Variants in FLRT1 observed in about 807,000 individuals in gnomAD.
The protein encoded by FLRT1 is leucine-rich repeat transmembrane protein FLRT1.
A neutral mutation model predicts 30.9 loss-of-function variants in FLRT1; 14 were observed. The observed-to-expected ratio is 0.45, with a 90% confidence interval of 0.30 to 0.71. The LOEUF is 0.71. Among genes scored for constraint, FLRT1 ranks in the 30% least tolerant of loss-of-function variants. FLRT1 has a pLI of 0.08. For synonymous variants in FLRT1, 368 were observed against 430.4 expected (o/e 0.85, Z 1.80); for missense variants, 737 against 949.2 (o/e 0.78, Z 2.94).
At chr11:64,106,615 C>T (rs1181393352) in intron 2 of FLRT1, among the ~76,000 whole-genome samples, 1 of 152,238 alleles carries the variant, frequency 6.6e-6, no homozygotes, top group African/African-American at 2.4e-5. Context: ...AGCCCAGTGC[C>T]AAGCCTCTGA....
intron 1 of FLRT1, among the ~76,000 whole-genome samples, chr11:64,077,837 G>C (rs1490589487): frequency 6.6e-6 from 1 of 152,238 alleles, no homozygotes; most frequent in East Asian, 1.9e-4. Context: ...GTCTCCTTTG[G>C]CTATGGGTGG....
At chr11:64,116,171 C>A (rs1010361528) in intron 2 of FLRT1, 48 bp from the exon 3 acceptor site, 3 of 1,497,614 alleles carry the variant, frequency 2.0e-6, no homozygotes, top group South Asian at 1.3e-5. Flanking sequence ...CTCCTGGGGT[C>A]GCTGTCGCCG....
chr11:64,101,600 T>C (rs1204440506), intron 1 of FLRT1, among the ~76,000 whole-genome samples: 2 of 152,168 alleles, frequency 1.3e-5, no homozygotes, highest in Non-Finnish European at 2.9e-5. Context: ...CTGGACTTTT[T>C]CCATCTCTCG....
At chr11:64,078,303 TCCAG>T (rs1290655455) in intron 1 of FLRT1, among the ~76,000 whole-genome samples, 1 of 152,142 alleles carries the variant, frequency 6.6e-6, no homozygotes, top group East Asian at 1.9e-4. Flanking sequence ...TGGCCTCTTC[TCCAG>T]CCTGGACCCC....
At chr11:64,098,508 G>A (rs1312309492) in intron 1 of FLRT1, among the ~76,000 whole-genome samples, 4 of 152,348 alleles carry the variant, frequency 2.6e-5, no homozygotes, top group Admixed American at 1.3e-4. Context: ...CCTCGGGAGA[G>A]AGGGAATAAG....
chr11:64,058,859 G>A (rs1943843434), intron 1 of FLRT1, among the ~76,000 whole-genome samples: 1 of 152,170 alleles, frequency 6.6e-6, no homozygotes, highest in South Asian at 2.1e-4. Context: ...TAGGACCAGT[G>A]ATAGGGGAGC....
intron 2 of FLRT1, 76 bp from the exon 3 acceptor site, chr11:64,116,143 G>A: frequency 1.4e-6 from 2 of 1,414,206 alleles, no homozygotes; most frequent in Non-Finnish European, 1.9e-6. Flanking sequence ...TGGCAGGTGG[G>A]AGGGAATGCA....
In FLRT1 at chr11:64,116,273, G is replaced by A. The variant is rs1396711946; in HGVS notation, c.6G>A (p.Val2=). The A allele has an allele frequency of 1.3e-6, 2 of 1,596,384 alleles. No individual in the cohort carries two copies. The highest frequency in any genetic ancestry group is 1.7e-6 in the Non-Finnish European group (2 of 1,174,276). Residue 2 remains valine, a synonymous_variant, in exon 3 of 3, where the codon GTG becomes GTA. Coordinates refer to ENST00000682287, the MANE Select transcript of FLRT1 (RefSeq NM_013280.5). ...GACGCCCCCAGCCATCCACCATGGT[G>A]GTGGCACACCCCACCGCCACTGCCA... is the stretch of plus-strand genomic sequence containing the variant. M[V]VAHPTATATT...
Position 64,070,260 on chromosome 11 carries a change from C to G in FLRT1, c.-1037-32934C>G, listed in dbSNP as rs551099120. Among the ~76,000 whole-genome samples, 22 of 152,234 alleles carry G rather than the reference C, an allele frequency of 1.4e-4. No homozygotes were observed. The East Asian group carries it at 4.2e-3, about 29-fold the overall frequency. ...CTGAGTCTACTGATCAGAGCCCTAC[C>G]TGGGCTGCCAGTCCTCAGCCCAGCC... On this transcript the variant is annotated intron_variant, in intron 1 of 2. Coordinates refer to ENST00000682287, the MANE Select transcript of FLRT1 (RefSeq NM_013280.5).
chr11:64,091,542 C>T (rs1240996014), intron 1 of FLRT1, among the ~76,000 whole-genome samples: 1 of 152,026 alleles, frequency 6.6e-6, no homozygotes, highest in Non-Finnish European at 1.5e-5. Flanking sequence ...AGGTGCATGC[C>T]CAGGGAGAGC....
Position 64,090,787 on chromosome 11 carries a change from C to T in FLRT1, c.-1037-12407C>T, listed in dbSNP as rs1944475749. The stretch of plus-strand genomic sequence containing the variant: ...GGGGTGGCGGCGTCTCTCCACCAGG[C>T]ACTTGGGGTTTGTCTCTGGGGCTCT... On this transcript the variant is annotated intron_variant, in intron 1 of 2. Coordinates refer to ENST00000682287, the MANE Select transcript of FLRT1 (RefSeq NM_013280.5). This position sits in a 1 kb window ranked among gnomAD's most constrained non-coding sequence, Gnocchi z 4.7. Among the ~76,000 whole-genome samples, 1 of 152,006 alleles carries T rather than the reference C, an allele frequency of 6.6e-6. No individual in the cohort carries two copies. The highest frequency in any genetic ancestry group is 1.5e-5 in the Non-Finnish European group (1 of 68,000).
intron 1 of FLRT1, among the ~76,000 whole-genome samples, chr11:64,079,462 C>T (rs903293936): frequency 6.6e-6 from 1 of 152,186 alleles, no homozygotes; most frequent in South Asian, 2.1e-4. Context: ...AATGAGCAGC[C>T]GGGCACGCAG....
At position 64,118,053 on chromosome 11, in the gene FLRT1, A is replaced by G. The variant is rs1308069833; in HGVS notation, c.1786A>G (p.Lys596Glu). Residue 596 changes from lysine (K) to glutamate (E), a missense_variant, in exon 3 of 3, where the codon AAA becomes GAA. By Grantham distance (56) the Lys-to-Glu change is moderately conservative (BLOSUM62 1). Transcript: ENST00000682287. Reference protein sequence around the residue: ...RERAYNRGSRKKDDYMESGTK... With the variant: ...RERAYNRGSREKDDYMESGTK... ...GAGGGCCTACAACCGGGGCAGCAGGAAAAAGGATGACTATATGGAGTCAGG... is the reference window on the plus strand; with the variant it reads ...GAGGGCCTACAACCGGGGCAGCAGGGAAAAGGATGACTATATGGAGTCAGG... The G allele has an allele frequency of 1.2e-6, 2 of 1,613,214 alleles. No individual in the cohort carries two copies. The highest frequency in any genetic ancestry group is 1.7e-6 in the Non-Finnish European group (2 of 1,179,764).
chr11:64,078,494 C>T (rs972092722), intron 1 of FLRT1, among the ~76,000 whole-genome samples: 5 of 152,222 alleles, frequency 3.3e-5, no homozygotes, highest in African/African-American at 9.6e-5. Context: ...GTTATTCCAC[C>T]CCGGCCTCCC....
chr11:64,057,236 A>T (rs1943803170), intron 1 of FLRT1, among the ~76,000 whole-genome samples: 1 of 152,214 alleles, frequency 6.6e-6, no homozygotes, highest in African/African-American at 2.4e-5. Flanking sequence ...CTGGGGGCTG[A>T]ACGTAGGGGA....
At chr11:64,084,806 C>T (rs532325235) in intron 1 of FLRT1, among the ~76,000 whole-genome samples, 5 of 152,308 alleles carry the variant, frequency 3.3e-5, no homozygotes, top group Middle Eastern at 3.4e-3. Context: ...AACCAAGAAC[C>T]GTAGCCCCAA....
intron 1 of FLRT1, among the ~76,000 whole-genome samples, chr11:64,053,019 C>G (rs76139470): frequency 6.6e-6 from 1 of 152,222 alleles, no homozygotes; most frequent in Non-Finnish European, 1.5e-5. Flanking sequence ...GCTTACACCC[C>G]GGGCTCTCAA....
chr11:64,063,923 C>T (rs991262451), intron 1 of FLRT1, among the ~76,000 whole-genome samples: 2 of 152,184 alleles, frequency 1.3e-5, no homozygotes, highest in African/African-American at 4.8e-5. Context: ...CAGTGAGCTG[C>T]GGAGAGGTTT....
In FLRT1 at chr11:64,116,831, C is replaced by T. The variant is rs1445484514; in HGVS notation, c.564C>T (p.His188=). Residue 188 remains histidine, a synonymous_variant, in exon 3 of 3, where the codon CAC becomes CAT. Transcript: ENST00000682287. Reference sequence around the variant, plus strand: ...AGCTGCTCTTCCTGAGCCGGAACCACCTGAGCAGCATCCCCTCGGGGCTGC... The same window carrying T: ...AGCTGCTCTTCCTGAGCCGGAACCATCTGAGCAGCATCCCCTCGGGGCTGC... The part of the protein sequence containing the change: ...QLKLLFLSRN[H]LSSIPSGLPH... The T allele has an allele frequency of 6.2e-7, 1 of 1,613,160 alleles. No individual in the cohort carries two copies. Among genetic ancestry groups the T allele is most frequent in the South Asian group, 1.1e-5 (1 of 91,088 alleles).
Sources: gnomAD v4.1 joint callset for allele counts (sites outside exome capture counted in the v4.1 genomes callset) on GRCh38, gnomAD v4.1.1 for gene constraint, Gnocchi (gnomAD v3.1) non-coding constraint, MANE v1.5 for transcripts, NCBI Gene and HGNC (gene_info 2026-07-23, HGNC 2026-07-21) for gene names.